CDK17: variants seen among roughly 807,000 people sequenced by gnomAD.
The protein encoded by CDK17 is cyclin-dependent kinase 17.
CDK17 carries 24 observed loss-of-function variants against 77.6 expected under a neutral mutation model. The observed-to-expected ratio is 0.31, with a 90% CI of 0.22 to 0.44. CDK17 has a LOEUF of 0.44. CDK17 is among the 20% of genes least tolerant of loss of function. The pLI is 1.00. For synonymous variants in CDK17, 203 were observed against 210.4 expected, an observed-to-expected ratio of 0.96 and a Z score of 0.30; for missense variants, 429 against 622.5, an observed-to-expected ratio of 0.69 and a Z score of 3.31.
At chr12:96,312,632 A>T (rs1489155400) in intron 4 of CDK17, among the ~76,000 whole-genome samples, 1 of 152,212 alleles carries the variant, frequency 6.6e-6, no homozygotes, top group Non-Finnish European at 1.5e-5. Flanking sequence ...AGCACCAAAA[A>T]AGCAACAATA....
chr12:96,351,225 A>T (rs191951946), intron 1 of CDK17, among the ~76,000 whole-genome samples: 1 of 152,288 alleles, frequency 6.6e-6, no homozygotes, highest in Non-Finnish European at 1.5e-5. Flanking sequence ...GCAACTGTAA[A>T]ATGGTGTAGC....
chr12:96,280,151 C>T lies in CDK17; in HGVS notation c.*91G>A. ...GGACAGTGTAGACAAACGGAGATTC[C>T]AAGTCCACCAAAAGAAATAATTGCC... is the stretch of plus-strand genomic sequence containing the variant. On this transcript the variant is annotated 3_prime_UTR_variant, in exon 17 of 17. Coordinates refer to ENST00000261211, the MANE Select transcript of CDK17 (RefSeq NM_002595.5). The T allele has an allele frequency of 1.5e-6, 2 of 1,320,068 alleles. No homozygotes were observed. The highest frequency in any genetic ancestry group is 2.6e-5 in the East Asian group (1 of 38,804). The allele number at this position is 1,320,068 out of a possible 1,614,324, so 81.8% of individuals were successfully genotyped here.
chr12:96,294,925 T>G, intron 10 of CDK17, 74 bp downstream of exon 10: 1 of 1,285,800 alleles, frequency 7.8e-7, no homozygotes, highest in Non-Finnish European at 1.1e-6. Flanking sequence ...TGGCACATTA[T>G]GACAGTGGTT....
intron 1 of CDK17, among the ~76,000 whole-genome samples, chr12:96,343,022 A>G (rs896355117): frequency 6.6e-6 from 1 of 152,216 alleles, no homozygotes; most frequent in Non-Finnish European, 1.5e-5. Flanking sequence ...TTCTTTTGAT[A>G]GTATGAATAG....
At chr12:96,399,585 C>A (rs1241482251) in intron 1 of CDK17, among the ~76,000 whole-genome samples, 1 of 152,086 alleles carries the variant, frequency 6.6e-6, no homozygotes, top group East Asian at 1.9e-4. Context: ...CAGCTCCACC[C>A]CCGCCGAGGG....
intron 1 of CDK17, among the ~76,000 whole-genome samples, chr12:96,366,077 A>C (rs778177636): frequency 2.6e-5 from 4 of 152,194 alleles, no homozygotes; most frequent in South Asian, 2.1e-4. Flanking sequence ...TGCTGGTTAC[A>C]TTTCAACACT....
chr12:96,284,896 C>T (rs1952227788), intron 13 of CDK17, among the ~76,000 whole-genome samples: 1 of 152,076 alleles, frequency 6.6e-6, no homozygotes, highest in Non-Finnish European at 1.5e-5. Flanking sequence ...ATCTCTTGAT[C>T]AGAAATAACA....
At chr12:96,360,330 T>G (rs1167798872) in intron 1 of CDK17, among the ~76,000 whole-genome samples, 4 of 152,166 alleles carry the variant, frequency 2.6e-5, no homozygotes, top group African/African-American at 9.7e-5. Flanking sequence ...TAGATGGATT[T>G]ACATTCTTCC....
intron 10 of CDK17, among the ~76,000 whole-genome samples, chr12:96,292,587 A>G (rs1206573856): frequency 6.6e-6 from 1 of 152,170 alleles, no homozygotes; most frequent in Admixed American, 6.5e-5. Context: ...CCAGGGTGAC[A>G]GAGCAAGACC....
rs780332043 is a variant in CDK17 at position 96,280,265 on chromosome 12, T to G, written c.1549A>C (p.Arg517=). The stretch of plus-strand genomic sequence containing the variant: ...ACTTAAAAGAGCATGCTCTGTCTTC[T>G]GTTCTTCCCATGTCCTAAAATATAA... ...SYPETGHGKN[R]RQSMLF Residue 517 remains arginine, a synonymous_variant, in exon 17 of 17, where the codon AGA becomes CGA. Transcript: ENST00000261211. 1 of 1,551,434 alleles carries G rather than the reference T, an allele frequency of 6.4e-7. No homozygotes were observed. The highest frequency in any genetic ancestry group is 1.2e-5 in the South Asian group (1 of 84,002).
chr12:96,349,793 T>C (rs1374052255), intron 1 of CDK17, among the ~76,000 whole-genome samples: 1 of 152,040 alleles, frequency 6.6e-6, no homozygotes, highest in Non-Finnish European at 1.5e-5. Flanking sequence ...GAAAAAGAAA[T>C]ATAAGGCAGC....
chr12:96,363,794 G>A (rs1247622868), intron 1 of CDK17, among the ~76,000 whole-genome samples: 3 of 152,140 alleles, frequency 2.0e-5, no homozygotes. Flanking sequence ...AGGTTGCTGC[G>A]AGCTGAGACA....
intron 1 of CDK17, among the ~76,000 whole-genome samples, chr12:96,389,925 G>A (rs1214316268): frequency 6.6e-6 from 1 of 151,172 alleles, no homozygotes; most frequent in Non-Finnish European, 1.5e-5. Flanking sequence ...CACCTCCCAG[G>A]TTCAAGAGAT....
At chr12:96,329,741 G>A (rs903594631) in intron 2 of CDK17, among the ~76,000 whole-genome samples, 3 of 152,092 alleles carry the variant, frequency 2.0e-5, no homozygotes, top group Non-Finnish European at 2.9e-5. Flanking sequence ...ACAAACTGTC[G>A]AAGACAAACT....
chr12:96,368,393 TCTTGATTTAAATTGTGTGAA>T (rs1953623330), intron 1 of CDK17, among the ~76,000 whole-genome samples: 3 of 152,282 alleles, frequency 2.0e-5, no homozygotes, highest in South Asian at 4.1e-4. Context: ...CTAATGTGGC[TCTTGATTTAAATTGTGTGAA>T]CTTGCTCTAC....
Position 96,391,581 on chromosome 12 carries a change from G to A in CDK17, c.-30+8405C>T, listed in dbSNP as rs532316268. On this transcript the variant is annotated intron_variant, in intron 1 of 16. Transcript: ENST00000261211. ...GCTGGGATTACAGGCGTGAGCCACC[G>A]CGGCAGGCCAGTTTTTTTCGGTTAA... 3.3e-5 allele frequency among the ~76,000 whole-genome samples: 5 copies of A among 152,248 alleles called. 1 individual carries two copies. Among genetic ancestry groups the A allele is most frequent in the African/African-American group, 1.2e-4 (5 of 41,550 alleles).
At chr12:96,337,611 G>C (rs1953061625) in intron 1 of CDK17, among the ~76,000 whole-genome samples, 1 of 152,124 alleles carries the variant, frequency 6.6e-6, no homozygotes, top group African/African-American at 2.4e-5. Context: ...TAAGAAACCT[G>C]TTAATTGTAG....
intron 1 of CDK17, among the ~76,000 whole-genome samples, chr12:96,395,065 C>A (rs10777792): frequency 2.6e-5 from 4 of 151,904 alleles, no homozygotes; most frequent in East Asian, 1.9e-4. Flanking sequence ...TAGTAGAGAC[C>A]GGGTTTCACC....
chr12:96,383,663 AAAC>A (rs1953923685), intron 1 of CDK17, among the ~76,000 whole-genome samples: 1 of 152,202 alleles, frequency 6.6e-6, no homozygotes, highest in African/African-American at 2.4e-5. Flanking sequence ...TGCCAAAAAT[AAAC>A]AACGGGAGAA....
Sources: allele counts gnomAD v4.1 joint callset (sites outside exome capture counted in the v4.1 genomes callset), GRCh38; gene constraint gnomAD v4.1.1; transcripts MANE v1.5; gene names NCBI Gene and HGNC (gene_info 2026-07-23, HGNC 2026-07-21).